Variants in VSTM2B observed in about 807,000 individuals in gnomAD.
VSTM2B encodes the protein V-set and transmembrane domain-containing protein 2B.
Under a neutral mutation model 24.0 loss-of-function variants are expected in VSTM2B, and 24 were observed. That is an observed-to-expected ratio of 1.00 (90% CI 0.72 to 1.40). The LOEUF (loss-of-function observed/expected upper bound fraction) is 1.40. Ranked by LOEUF, VSTM2B falls within the 40% of genes most tolerant of loss-of-function variation. The probability of loss-of-function intolerance (pLI) is 0.00; values close to 1 mark genes in which losing one functional copy is unlikely to be tolerated. For missense variants in VSTM2B, 399 were observed against 416.4 expected (o/e 0.96, Z 0.36); for synonymous variants, 226 against 194.4 (o/e 1.16, Z -1.35).
intron 3 of VSTM2B, among the ~76,000 whole-genome samples, chr19:29,529,364 G>A (rs1443517086): frequency 6.6e-6 from 1 of 151,956 alleles, no homozygotes; most frequent in Non-Finnish European, 1.5e-5. Context: ...TGCTCCGGGA[G>A]GTGAGGAGGG....
At chr19:29,551,060 ATGGGCAGCAGTGGCTGCCCTGGCGAGC>A (rs1970272531) in intron 4 of VSTM2B, among the ~76,000 whole-genome samples, 1 of 152,204 alleles carries the variant, frequency 6.6e-6, no homozygotes, top group Non-Finnish European at 1.5e-5. Context: ...TTCTAGAAAC[ATGGGCAGCAGTGGCTGCCCTGGCGAGC>A]TGTGCAGGCT....
intron 4 of VSTM2B, among the ~76,000 whole-genome samples, chr19:29,555,366 A>G (rs1970382129): frequency 6.6e-6 from 1 of 152,216 alleles, no homozygotes; most frequent in Non-Finnish European, 1.5e-5. Flanking sequence ...CAGTGAGAAC[A>G]GGGACAATGT....
intron 4 of VSTM2B, among the ~76,000 whole-genome samples, chr19:29,539,615 CT>C (rs2145482551): frequency 6.6e-6 from 1 of 152,344 alleles, no homozygotes; most frequent in East Asian, 1.9e-4. Context: ...CCGTTACAGG[CT>C]CAGGACATGT....
chr19:29,557,819 G>C (rs1341911826), intron 4 of VSTM2B, among the ~76,000 whole-genome samples: 4 of 152,014 alleles, frequency 2.6e-5, no homozygotes, highest in Non-Finnish European at 5.9e-5. Context: ...AGTGTCAAAA[G>C]CAATTGCAAC....
chr19:29,562,054 C>T (rs1011895488), intron 4 of VSTM2B, among the ~76,000 whole-genome samples: 2 of 152,182 alleles, frequency 1.3e-5, no homozygotes, highest in Admixed American at 1.3e-4. Flanking sequence ...GAACTGTGTG[C>T]AGAAGCGATG....
At chr19:29,560,441 T>A (rs1451138940) in intron 4 of VSTM2B, among the ~76,000 whole-genome samples, 1 of 152,136 alleles carries the variant, frequency 6.6e-6, no homozygotes, top group African/African-American at 2.4e-5. Flanking sequence ...AGCCCATCTC[T>A]CCAGTGCCAG....
intron 2 of VSTM2B, 59 bp downstream of exon 2, chr19:29,527,454 G>A (rs1276743841): frequency 2.9e-6 from 4 of 1,389,158 alleles, no homozygotes; most frequent in Admixed American, 3.3e-5. Flanking sequence ...GGCGGCGAAG[G>A]CTAACCCAGG....
chr19:29,563,713 G>T, intron 4 of VSTM2B, 133 bp from the exon 5 acceptor site: 2 of 700,444 alleles, frequency 2.9e-6, no homozygotes, highest in Non-Finnish European at 4.8e-6. Context: ...CAGCCACTAT[G>T]CACCAGCCTC....
intron 4 of VSTM2B, 69 bp from the exon 5 acceptor site, chr19:29,563,776 TG>T: frequency 7.1e-7 from 1 of 1,403,584 alleles, no homozygotes; most frequent in Non-Finnish European, 9.9e-7. Context: ...TCACTGTTCC[TG>T]GTCTGCTGTG....
chr19:29,559,996 A>G (rs544513147), intron 4 of VSTM2B, among the ~76,000 whole-genome samples: 21 of 152,226 alleles, frequency 1.4e-4, no homozygotes, highest in Middle Eastern at 3.4e-3. Flanking sequence ...TGCTAATTCA[A>G]TTGAGGCCAT....
At chr19:29,540,835 C>T (rs1213667674) in intron 4 of VSTM2B, among the ~76,000 whole-genome samples, 1 of 152,174 alleles carries the variant, frequency 6.6e-6, no homozygotes, top group Non-Finnish European at 1.5e-5. Flanking sequence ...ATGGCTGGTA[C>T]TCTAAAGGAG....
intron 4 of VSTM2B, among the ~76,000 whole-genome samples, chr19:29,563,510 T>A (rs1970582016): frequency 6.6e-6 from 1 of 152,148 alleles, no homozygotes; most frequent in Non-Finnish European, 1.5e-5. Flanking sequence ...CCCAAAGTGT[T>A]GGGATTACAG....
intron 4 of VSTM2B, among the ~76,000 whole-genome samples, chr19:29,535,389 T>C (rs1297470259): frequency 3.3e-5 from 5 of 152,146 alleles, no homozygotes; most frequent in Admixed American, 6.5e-5. Context: ...TGCAGGGACG[T>C]TGGGATCAGA....
At chr19:29,528,488 G>A in intron 3 of VSTM2B, 26 bp downstream of exon 3, 1 of 1,550,532 alleles carries the variant, frequency 6.4e-7, no homozygotes. Context: ...AGCGCGGGCC[G>A]CGGGAGACCC....
intron 4 of VSTM2B, among the ~76,000 whole-genome samples, chr19:29,559,560 G>A (rs1353923555): frequency 6.6e-6 from 1 of 152,188 alleles, no homozygotes; most frequent in East Asian, 1.9e-4. Context: ...GTATACCTAT[G>A]TAACAAAGCT....
upstream of VSTM2B, among the ~76,000 whole-genome samples, chr19:29,525,973 C>G (rs1454497190): frequency 3.3e-5 from 5 of 151,818 alleles, no homozygotes; most frequent in Non-Finnish European, 7.4e-5. Context: ...CCCTCCCTTC[C>G]CCTCCCCTCC....
intron 3 of VSTM2B, 107 bp from the exon 4 acceptor site, chr19:29,529,712 T>TC: frequency 1.8e-6 from 2 of 1,126,310 alleles, no homozygotes; most frequent in Non-Finnish European, 2.6e-6. Flanking sequence ...CAAACCAGGA[T>TC]CCGGGAAGTG....
At chr19:29,543,711 C>A (rs967333097) in intron 4 of VSTM2B, among the ~76,000 whole-genome samples, 3 of 152,198 alleles carry the variant, frequency 2.0e-5, no homozygotes, top group African/African-American at 7.2e-5. Flanking sequence ...CACCCTGGCT[C>A]CAAGGTTGGG....
rs1054587352 is a variant in VSTM2B at position 29,564,263 on chromosome 19, T to G, written c.*329T>G. ...TTGAGCAGTTATCTTTAGGATAATATGTACAAATGTTGGGGTCAAAGCCTT... is the reference window on the plus strand; with the variant it reads ...TTGAGCAGTTATCTTTAGGATAATAGGTACAAATGTTGGGGTCAAAGCCTT... On this transcript the variant is annotated 3_prime_UTR_variant, in exon 5 of 5. Transcript: ENST00000335523. 8 of 179,672 alleles carry G rather than the reference T, an allele frequency of 4.5e-5. No individual in the cohort carries two copies. Among genetic ancestry groups the G allele is most frequent in the South Asian group, 1.5e-4 (1 of 6,554 alleles). 11.1% of individuals were successfully genotyped at this position (179,672 alleles called of 1,614,324 possible).
Sources: gnomAD v4.1 joint callset for allele counts (sites outside exome capture counted in the v4.1 genomes callset) on GRCh38, gnomAD v4.1.1 for gene constraint, MANE v1.5 for transcripts, NCBI Gene and HGNC (gene_info 2026-07-23, HGNC 2026-07-21) for gene names.